The following MARCHF7 variants were observed in gnomAD, a reference collection of about 807,000 sequenced individuals.
The protein encoded by MARCHF7 is E3 ubiquitin-protein ligase MARCHF7.
A neutral mutation model predicts 76.5 loss-of-function variants in MARCHF7; 20 were observed. The ratio of observed to expected loss-of-function variants is 0.26; its 90% confidence interval spans 0.18 to 0.38. The LOEUF (loss-of-function observed/expected upper bound fraction) is 0.38, where lower values mean the gene tolerates loss of function less well. Among genes scored for constraint, MARCHF7 ranks in the 10% least tolerant of loss-of-function variants. MARCHF7 has a pLI of 1.00. For synonymous variants in MARCHF7, 295 were observed against 293.0 expected, an observed-to-expected ratio of 1.01 and a Z score of -0.07; for missense variants, 797 against 812.9, an observed-to-expected ratio of 0.98 and a Z score of 0.24.
intron 4 of MARCHF7, among the ~76,000 whole-genome samples, chr2:159,732,609 C>T (rs1221123812): frequency 2.0e-5 from 3 of 152,172 alleles, no homozygotes; most frequent in Non-Finnish European, 4.4e-5. Flanking sequence ...ACTTTCTGGG[C>T]ACAAGCAATC....
intron 3 of MARCHF7, among the ~76,000 whole-genome samples, chr2:159,719,420 G>A (rs1174175997): frequency 7.0e-6 from 1 of 142,012 alleles, no homozygotes; most frequent in Non-Finnish European, 1.6e-5. Flanking sequence ...TCCCCTGAAA[G>A]AAAAACAGTA....
At chr2:159,722,395 A>G (rs954883337) in intron 3 of MARCHF7, among the ~76,000 whole-genome samples, 1 of 152,106 alleles carries the variant, frequency 6.6e-6, no homozygotes, top group African/African-American at 2.4e-5. Context: ...CGGCCTCCCA[A>G]AGTGCAGAGA....
At chr2:159,738,004 T>C (rs773890951) in intron 4 of MARCHF7, among the ~76,000 whole-genome samples, 1 of 152,192 alleles carries the variant, frequency 6.6e-6, no homozygotes, top group Non-Finnish European at 1.5e-5. Flanking sequence ...CAGGCTTTGT[T>C]CGACTCGTGC....
intron 4 of MARCHF7, chr2:159,732,725 T>C (rs1296399276): frequency 1.4e-5 from 6 of 425,292 alleles, no homozygotes; most frequent in African/African-American, 2.2e-5. Context: ...AGAGATGGGG[T>C]CTTGCTGTGT....
At chr2:159,761,972 A>G (rs1707164727) in intron 9 of MARCHF7, among the ~76,000 whole-genome samples, 1 of 152,176 alleles carries the variant, frequency 6.6e-6, no homozygotes, top group Non-Finnish European at 1.5e-5. Flanking sequence ...TCAGGTTCAG[A>G]GAGGTATTTA....
intron 4 of MARCHF7, among the ~76,000 whole-genome samples, chr2:159,731,622 C>T (rs185924255): frequency 3.3e-4 from 50 of 151,740 alleles, no homozygotes; most frequent in Admixed American, 1.2e-3. Flanking sequence ...GGCGTGGTGG[C>T]GCATGCCTGT....
chr2:159,720,706 T>C (rs1010843281), intron 3 of MARCHF7, among the ~76,000 whole-genome samples: 1 of 152,206 alleles, frequency 6.6e-6, no homozygotes, highest in Admixed American at 6.5e-5. Context: ...CTAGCAAGAT[T>C]TATGTTGGCT....
intron 11 of MARCHF7, among the ~76,000 whole-genome samples, chr2:159,766,481 A>G (rs1012541965): frequency 6.6e-6 from 1 of 152,204 alleles, no homozygotes; most frequent in African/African-American, 2.4e-5. Context: ...AATGGGGGAA[A>G]GATGCTGGTT....
intron 3 of MARCHF7, 127 bp from the exon 4 acceptor site, chr2:159,728,882 T>C (rs1702462782): frequency 1.4e-5 from 7 of 503,092 alleles, no homozygotes; most frequent in Non-Finnish European, 1.7e-5. Flanking sequence ...CATTTCACAA[T>C]TTACGTTGTC....
At chr2:159,728,918 T>C in intron 3 of MARCHF7, 91 bp from the exon 4 acceptor site, 1 of 711,980 alleles carries the variant, frequency 1.4e-6, no homozygotes, top group Non-Finnish European at 2.1e-6. Flanking sequence ...GTATGGTTAA[T>C]TTTTTATTTG....
At chr2:159,718,397 G>C (rs1701271485) in intron 3 of MARCHF7, among the ~76,000 whole-genome samples, 1 of 152,070 alleles carries the variant, frequency 6.6e-6, no homozygotes, top group Non-Finnish European at 1.5e-5. Context: ...AGACTTTTAG[G>C]TGTGGGAGGT....
At chr2:159,714,983 AC>A (rs1700871859) in intron 2 of MARCHF7, among the ~76,000 whole-genome samples, 1 of 152,236 alleles carries the variant, frequency 6.6e-6, no homozygotes, top group Admixed American at 6.5e-5. Context: ...GTGTTCCTTA[AC>A]AAAATAAAAA....
chr2:159,719,916 G>A (rs953220001), intron 3 of MARCHF7, among the ~76,000 whole-genome samples: 6 of 152,192 alleles, frequency 3.9e-5, no homozygotes, highest in Non-Finnish European at 8.8e-5. Flanking sequence ...CTGTAGTCGA[G>A]ATGGATATGA....
intron 4 of MARCHF7, among the ~76,000 whole-genome samples, chr2:159,730,437 T>C (rs1702651178): frequency 6.6e-6 from 1 of 152,240 alleles, no homozygotes. Flanking sequence ...CTTTAAGATA[T>C]TCAGAGCAAG....
intron 1 of MARCHF7, among the ~76,000 whole-genome samples, chr2:159,713,383 A>C (rs1250910123): frequency 3.3e-5 from 5 of 152,208 alleles, no homozygotes; most frequent in Non-Finnish European, 5.9e-5. Context: ...CAAGTACCAA[A>C]GTAAATATAT....
chr2:159,760,295 T>C (rs1213031801), intron 9 of MARCHF7, among the ~76,000 whole-genome samples: 2 of 152,216 alleles, frequency 1.3e-5, no homozygotes, highest in Non-Finnish European at 2.9e-5. Context: ...ACCCTTCTTA[T>C]AAAATATATA....
intron 3 of MARCHF7, among the ~76,000 whole-genome samples, chr2:159,720,556 AT>A (rs984711029): frequency 3.5e-4 from 52 of 150,518 alleles, no homozygotes; most frequent in African/African-American, 4.6e-4. Flanking sequence ...TTGCTACCCT[AT>A]TTTTTTTCTC....
Position 159,729,227 on chromosome 2 carries a change from G to A in MARCHF7, c.153+52G>A, listed in dbSNP as rs746355977. The A allele has an allele frequency of 2.9e-6, 4 of 1,373,938 alleles. No individual in the cohort carries two copies. The Admixed American group carries it at 1.0e-4, about 35-fold the overall frequency. The allele number at this position is 1,373,938 out of a possible 1,614,324, so 85.1% of individuals were successfully genotyped here. On this transcript the variant is annotated intron_variant, in intron 4 of 11. Transcript: ENST00000409175. ...ATACAGCCTTTTTCAAAATCCCTAG[G>A]GCCACTCTTTTGGGGGTATTTAAAA...
intron 8 of MARCHF7, among the ~76,000 whole-genome samples, chr2:159,754,708 T>C (rs1706075285): frequency 6.6e-6 from 1 of 152,214 alleles, no homozygotes. Flanking sequence ...GTGGTTGTCC[T>C]ATAATACGAG....
Sources: gnomAD v4.1 joint callset for allele counts (sites outside exome capture counted in the v4.1 genomes callset) on GRCh38, gnomAD v4.1.1 for gene constraint, MANE v1.5 for transcripts, NCBI Gene and HGNC (gene_info 2026-07-23, HGNC 2026-07-21) for gene names.